The following BTRC variants were observed in gnomAD, a reference collection of about 807,000 sequenced individuals.
BTRC encodes the protein beta-transducin repeat containing E3 ubiquitin protein ligase.
In BTRC, 42 loss-of-function variants were observed where a neutral mutation model predicts 85.5. That is an observed-to-expected ratio of 0.49 (90% confidence interval 0.38 to 0.64). The LOEUF is 0.64. Among genes scored for constraint, BTRC ranks in the 30% least tolerant of loss-of-function variants. The pLI, the probability that BTRC is intolerant of heterozygous loss-of-function variation, is 0.00. For synonymous variants in BTRC, 255 were observed against 263.3 expected, an observed-to-expected ratio of 0.97 and a Z score of 0.30; for missense variants, 594 against 743.5, an observed-to-expected ratio of 0.80 and a Z score of 2.34.
At chr10:101,465,048 T>G (rs1006476197) in intron 3 of BTRC, among the ~76,000 whole-genome samples, 4 of 152,218 alleles carry the variant, frequency 2.6e-5, no homozygotes, top group African/African-American at 7.2e-5. Context: ...TTAAACTCCC[T>G]CTTTTCTCTA....
intron 1 of BTRC, among the ~76,000 whole-genome samples, chr10:101,418,038 T>C (rs568804976): frequency 6.6e-6 from 1 of 152,274 alleles, no homozygotes; most frequent in Admixed American, 6.5e-5. Context: ...TATTATTACA[T>C]AACAAATTAC....
rs888840945 is a variant in BTRC, at chr10:101,535,768, A to G, written c.1466+296A>G. On this transcript the variant is annotated intron_variant, in intron 11 of 14. Transcript: ENST00000370187. The stretch of plus-strand genomic sequence containing the variant: ...GAAAAGAAAGATTTGTTTCCTTACT[A>G]GAAATTATGTAATTTTTGTCTTAGC... Among the ~76,000 whole-genome samples, 8 of 152,350 alleles carry G rather than the reference A, an allele frequency of 5.3e-5. No individual in the cohort carries two copies. The East Asian group carries it at 1.5e-3, about 29-fold the overall frequency.
At chr10:101,386,057 T>C (rs1808890325) in intron 1 of BTRC, among the ~76,000 whole-genome samples, 1 of 152,102 alleles carries the variant, frequency 6.6e-6, no homozygotes, top group Non-Finnish European at 1.5e-5. Flanking sequence ...TCAAAAATCC[T>C]CCCAGAACAT....
chr10:101,482,856 T>C (rs1564799811), intron 4 of BTRC, among the ~76,000 whole-genome samples: 1 of 152,180 alleles, frequency 6.6e-6, no homozygotes, highest in Non-Finnish European at 1.5e-5. Context: ...TTTCTCAACT[T>C]GGTACAAGTG....
At chr10:101,464,351 GC>G (rs781249186) in intron 3 of BTRC, among the ~76,000 whole-genome samples, 2 of 152,204 alleles carry the variant, frequency 1.3e-5, no homozygotes, top group Non-Finnish European at 2.9e-5. Context: ...AGATGGACCA[GC>G]AGGTCACACA....
intron 1 of BTRC, among the ~76,000 whole-genome samples, chr10:101,366,816 A>T (rs1590205253): frequency 1.8e-5 from 1 of 55,472 alleles, no homozygotes; most frequent in African/African-American, 9.8e-5. Context: ...ATATTTATAT[A>T]TATTAATATA....
intron 1 of BTRC, among the ~76,000 whole-genome samples, chr10:101,392,842 T>G (rs1338188965): frequency 6.6e-6 from 1 of 152,176 alleles, no homozygotes; most frequent in Non-Finnish European, 1.5e-5. Flanking sequence ...GTTTTAATAT[T>G]CCCCCTGTGG....
At chr10:101,431,720 C>T (rs1435264492) in intron 2 of BTRC, among the ~76,000 whole-genome samples, 7 of 152,140 alleles carry the variant, frequency 4.6e-5, no homozygotes, top group Non-Finnish European at 1.5e-5. Context: ...AAGAGGGGAA[C>T]TTAGGTTTTC....
intron 4 of BTRC, among the ~76,000 whole-genome samples, chr10:101,504,610 C>T (rs774555528): frequency 5.3e-5 from 8 of 151,964 alleles, no homozygotes; most frequent in Non-Finnish European, 1.2e-4. Flanking sequence ...TCCTCTTCTA[C>T]CCTCTTCTCT....
chr10:101,463,049 G>GT (rs1564787933), intron 3 of BTRC, among the ~76,000 whole-genome samples: 24 of 137,712 alleles, frequency 1.7e-4, no homozygotes, highest in African/African-American at 6.1e-4. Context: ...TGTATTTTGG[G>GT]GTTTTTTTTT....
rs1415278416 is a variant in BTRC, at chr10:101,367,042, A to T, written c.48+12814A>T. ...TTTATATTTATATATTTATATATAT[A>T]AATATATATATATATAAATATAAAT... On this transcript the variant is annotated intron_variant, in intron 1 of 14. Coordinates refer to ENST00000370187, the MANE Select transcript of BTRC (RefSeq NM_033637.4). Among the ~76,000 whole-genome samples, 15 of 61,992 alleles carry T rather than the reference A, an allele frequency of 2.4e-4. 2 individuals carry two copies. The highest frequency in any genetic ancestry group is 3.4e-4 in the African/African-American group (6 of 17,568). 40.7% of individuals were successfully genotyped at this position (61,992 alleles called of 152,430 possible).
intron 1 of BTRC, among the ~76,000 whole-genome samples, chr10:101,390,438 C>T (rs978539468): frequency 1.3e-4 from 20 of 151,076 alleles, no homozygotes; most frequent in Admixed American, 1.1e-3. Context: ...CCCGGGTTCA[C>T]GCCATTCTCC....
chr10:101,528,679 T>G (rs9419926), intron 6 of BTRC, among the ~76,000 whole-genome samples: 44,966 of 152,082 alleles, frequency 0.3, 7,948 homozygotes, highest in Middle Eastern at 0.47. Flanking sequence ...ACTTTATTCC[T>G]GTGTCAGTTT....
intron 4 of BTRC, among the ~76,000 whole-genome samples, chr10:101,506,975 A>T (rs955109450): frequency 6.6e-6 from 1 of 152,228 alleles, no homozygotes; most frequent in African/African-American, 2.4e-5. Flanking sequence ...AGTTCATACC[A>T]TGTCTTAGGA....
chr10:101,384,611 CA>C (rs1943020898), intron 1 of BTRC, among the ~76,000 whole-genome samples: 1 of 152,158 alleles, frequency 6.6e-6, no homozygotes, highest in African/African-American at 2.4e-5. Flanking sequence ...AGTTGACTAA[CA>C]GCTTTTTTCA....
intron 1 of BTRC, among the ~76,000 whole-genome samples, chr10:101,386,823 T>C (rs1038351486): frequency 8.5e-5 from 13 of 152,176 alleles, no homozygotes; most frequent in African/African-American, 3.1e-4. Flanking sequence ...ATTAGTACTT[T>C]TGTGATTTGT....
intron 1 of BTRC, among the ~76,000 whole-genome samples, chr10:101,368,237 T>C (rs1321301444): frequency 6.6e-6 from 1 of 152,206 alleles, no homozygotes; most frequent in East Asian, 1.9e-4. Flanking sequence ...GGTTTCTCTC[T>C]TGGCGTGTGA....
chr10:101,413,303 C>G (rs759105456), intron 1 of BTRC, among the ~76,000 whole-genome samples: 1 of 151,316 alleles, frequency 6.6e-6, no homozygotes, highest in African/African-American at 2.4e-5. Flanking sequence ...ACCACCACGC[C>G]TGGCTAATTT....
chr10:101,534,535 T>G, intron 9 of BTRC, 126 bp from the exon 10 acceptor site: 1 of 1,267,208 alleles, frequency 7.9e-7, no homozygotes, highest in Non-Finnish European at 1.1e-6. Context: ...TCCCATCCCC[T>G]TCCTTCTCCC....
Sources: allele counts gnomAD v4.1 joint callset (sites outside exome capture counted in the v4.1 genomes callset), GRCh38; gene constraint gnomAD v4.1.1; transcripts MANE v1.5; gene names NCBI Gene and HGNC (gene_info 2026-07-23, HGNC 2026-07-21).